Variants in TCFL5 observed in about 807,000 individuals in gnomAD.
TCFL5 encodes transcription factor like 5.
A neutral mutation model predicts 44.3 loss-of-function variants in TCFL5; 9 were observed. That is an observed-to-expected ratio of 0.20 (90% confidence interval 0.12 to 0.35). TCFL5 has a LOEUF of 0.35. TCFL5 is among the 10% of genes least tolerant of loss of function. TCFL5 has a pLI of 1.00. For synonymous variants in TCFL5, 319 were observed against 271.6 expected, an observed-to-expected ratio of 1.17 and a Z score of -1.72; for missense variants, 603 against 613.4, an observed-to-expected ratio of 0.98 and a Z score of 0.18.
intron 5 of TCFL5, chr20:62,851,587 C>T (rs763459411): frequency 2.1e-5 from 21 of 985,174 alleles, no homozygotes; most frequent in South Asian, 4.7e-5. Flanking sequence ...TAACCATAAA[C>T]GATCCGATCA....
intron 5 of TCFL5, among the ~76,000 whole-genome samples, chr20:62,846,876 C>T (rs553274927): frequency 1.3e-5 from 2 of 151,368 alleles, no homozygotes; most frequent in African/African-American, 4.8e-5. Context: ...GGAAAATATA[C>T]CAGGAAGTTA....
chr20:62,857,644 C>T lies in TCFL5; in HGVS notation c.995-6G>A, dbSNP rs1388350679. The T allele has an allele frequency of 6.9e-6, 11 of 1,601,214 alleles. No homozygotes were observed. Among genetic ancestry groups the T allele is most frequent in the Admixed American group, 1.7e-5 (1 of 57,634 alleles). On this transcript the variant is annotated splice_region_variant and splice_polypyrimidine_tract_variant and intron_variant, in intron 3 of 5. Coordinates refer to ENST00000335351, the MANE Select transcript of TCFL5 (RefSeq NM_006602.4). ...TTGTTTGCATAGCGCTGCTTCTTTG[C>T]GAAAGAAGAAAAAAGTGGTTTTTAA...
intron 5 of TCFL5, chr20:62,853,013 T>TATAGTCACCCGGTCCACAGAAGC (rs1178775998): frequency 3.2e-6 from 4 of 1,268,942 alleles, no homozygotes; most frequent in Non-Finnish European, 4.1e-6. Context: ...TCCGCAGAAG[T>TATAGTCACCCGGTCCACAGAAGC]ATAGTCACCC....
At chr20:62,854,828 C>G (rs2063862948) in intron 4 of TCFL5, among the ~76,000 whole-genome samples, 2 of 152,210 alleles carry the variant, frequency 1.3e-5, no homozygotes, top group Non-Finnish European at 2.9e-5. Flanking sequence ...TACTCACCTT[C>G]ACACCCGTCT....
In TCFL5 at chr20:62,861,085, C is replaced by G; in HGVS notation, c.586G>C (p.Ala196Pro). Residue 196 changes from alanine to proline, a missense_variant, in exon 1 of 6, where the codon GCC (alanine) becomes CCC (proline). Ala to Pro is a conservative substitution (Grantham distance 27). Around this residue, in one of 4 missense-constraint regions of TCFL5, gnomAD observed 540 missense variants for 478.7 expected, o/e 1.13. Coordinates refer to ENST00000335351, the MANE Select transcript of TCFL5 (RefSeq NM_006602.4). The surrounding 1 kb of genome is among the most constrained non-coding windows in gnomAD (Gnocchi z 4.0). ...CCGCGCGGCGCGGGCGGCGGCTCGG[C>G]GGGGATGCTGTTGAAGCGGTCCTCC... ...RLEDRFNSIP[A>P]EPPPAPRGPE... 1.0e-6 allele frequency: 1 copy of G among 996,742 alleles called. No homozygotes were observed. Among genetic ancestry groups the G allele is most frequent in the Non-Finnish European group, 1.2e-6 (1 of 839,300 alleles). The allele number at this position is 996,742 out of a possible 1,614,324, so 61.7% of individuals were successfully genotyped here.
At chr20:62,856,252 C>CAAAAAAA (rs11473595) in intron 4 of TCFL5, among the ~76,000 whole-genome samples, 11 of 63,468 alleles carry the variant, frequency 1.7e-4, no homozygotes, top group Non-Finnish European at 3.0e-4. Flanking sequence ...GACTCCGTCT[C>CAAAAAAA]AAAAAAAAAA....
chr20:62,857,049 A>G (rs2063903971), intron 4 of TCFL5, among the ~76,000 whole-genome samples: 1 of 152,196 alleles, frequency 6.6e-6, no homozygotes, highest in African/African-American at 2.4e-5. Flanking sequence ...GGCTGGGGGC[A>G]TGAGGGGCAA....
At chr20:62,849,444 G>A (rs921899975) in intron 5 of TCFL5, among the ~76,000 whole-genome samples, 1 of 152,188 alleles carries the variant, frequency 6.6e-6, no homozygotes, top group Admixed American at 6.5e-5. Context: ...AAGCCTCAAT[G>A]CCATAGTTAA....
chr20:62,845,137 TG>T, intron 5 of TCFL5: 2 of 964,284 alleles, frequency 2.1e-6, no homozygotes, highest in Non-Finnish European at 1.2e-6. Context: ...TTTTTTTTTT[TG>T]GATATGGAGT....
intron 5 of TCFL5, chr20:62,845,324 T>C: frequency 1.0e-6 from 1 of 970,724 alleles, no homozygotes; most frequent in Non-Finnish European, 1.3e-6. Flanking sequence ...GGTCACACCG[T>C]ATTGGCCAGG....
In TCFL5 at chr20:62,859,485, G is replaced by C; in HGVS notation, c.873C>G (p.His291Gln). The C allele has an allele frequency of 6.2e-7, 1 of 1,613,672 alleles. No individual in the cohort carries two copies. The highest frequency in any genetic ancestry group is 1.6e-4 in the Middle Eastern group (1 of 6,062). The change falls in exon 3 of 6, where the codon CAC (histidine) becomes CAG (glutamine). Residue 291 changes from histidine (H) to glutamine (Q), a missense_variant. Transcript: ENST00000335351. Reference sequence around the variant, plus strand: ...ATGCTCTAGGCAATCCAATATCCTGGTGCTTGGCAGCTTCAAGTACAGAAC... The same window carrying C: ...ATGCTCTAGGCAATCCAATATCCTGCTGCTTGGCAGCTTCAAGTACAGAAC... ...NSCSVLEAAK[H>Q]QDIGLPRAFS... is the part of the protein sequence containing the mutation.
At chr20:62,856,302 A>G (rs1161278551) in intron 4 of TCFL5, among the ~76,000 whole-genome samples, 3 of 150,098 alleles carry the variant, frequency 2.0e-5, no homozygotes, top group African/African-American at 7.3e-5. Flanking sequence ...TTATAATAGA[A>G]AAAAATTAAC....
Position 62,861,444 on chromosome 20 carries a change from C to A in TCFL5, c.227G>T (p.Arg76Leu). ...CGCCGCCAGCAGCGCCGAGTTGAGG[C>A]GCGTCTCGAGCTCGCCGTCAGCCGC... ...EAAADGELET[R>L]LNSALLAAAG... The change falls in exon 1 of 6, where the codon CGC becomes CTC. Residue 76 changes from arginine (R) to leucine (L), a missense_variant. Transcript: ENST00000335351. The surrounding 1 kb of genome is among the most constrained non-coding windows in gnomAD (Gnocchi z 4.0). 1.7e-6 allele frequency: 2 copies of A among 1,169,638 alleles called. No homozygotes were observed. Among genetic ancestry groups the A allele is most frequent in the Non-Finnish European group, 1.1e-6 (1 of 937,934 alleles). The allele number at this position is 1,169,638 out of a possible 1,614,324, so 72.5% of individuals were successfully genotyped here.
Position 62,841,964 on chromosome 20 carries a change from G to T in TCFL5, c.*11C>A. The stretch of plus-strand genomic sequence containing the variant: ...GGCTGTTCACCCCCCGAGGATTCCT[G>T]TTCAGTCCGATCACTTGATCTCCAT... On this transcript the variant is annotated 3_prime_UTR_variant, in exon 6 of 6. Coordinates refer to ENST00000335351, the MANE Select transcript of TCFL5 (RefSeq NM_006602.4). 2 of 1,613,866 alleles carry T rather than the reference G, an allele frequency of 1.2e-6. No homozygotes were observed. Among genetic ancestry groups the T allele is most frequent in the Non-Finnish European group, 1.7e-6 (2 of 1,179,984 alleles).
At chr20:62,854,837 CTATTTAGAACTT>C (rs1465419769) in intron 4 of TCFL5, among the ~76,000 whole-genome samples, 5 of 152,234 alleles carry the variant, frequency 3.3e-5, no homozygotes, top group African/African-American at 1.2e-4. Flanking sequence ...TCACACCCGT[CTATTTAGAACTT>C]TAATTAGAGA....
chr20:62,842,077 G>A lies in TCFL5; in HGVS notation c.1401C>T (p.Cys467=), dbSNP rs761206570. ...SLKKEFESVF[C]GKTGRRLKLT... ...GCTTTAGCCTTCGGCCAGTTTTACCGCAAAATACGCTCTCAAATTCCTGCA... is the reference window on the plus strand; with the variant it reads ...GCTTTAGCCTTCGGCCAGTTTTACCACAAAATACGCTCTCAAATTCCTGCA... The change falls in exon 6 of 6, where the codon TGC becomes TGT. Residue 467 remains cysteine, a synonymous_variant. Coordinates refer to ENST00000335351, the MANE Select transcript of TCFL5 (RefSeq NM_006602.4). The surrounding 1 kb of genome is among the most constrained non-coding windows in gnomAD (Gnocchi z 4.3). The A allele has an allele frequency of 3.0e-5, 48 of 1,613,976 alleles. No individual in the cohort carries two copies. Among genetic ancestry groups the A allele is most frequent in the Admixed American group, 2.0e-4 (12 of 59,982 alleles).
intron 5 of TCFL5, among the ~76,000 whole-genome samples, chr20:62,849,617 CTT>C (rs2063783400): frequency 6.6e-6 from 1 of 152,082 alleles, no homozygotes; most frequent in Admixed American, 6.6e-5. Context: ...AATCCCAGCA[CTT>C]TGGGAGGCCA....
chr20:62,845,831 A>T, intron 5 of TCFL5: 1 of 1,597,056 alleles, frequency 6.3e-7, no homozygotes, highest in South Asian at 1.1e-5. Context: ...TCATTATAAA[A>T]GTGATTTATG....
chr20:62,846,038 G>C, intron 5 of TCFL5: 1 of 1,352,808 alleles, frequency 7.4e-7, no homozygotes, highest in Non-Finnish European at 9.8e-7. Context: ...GGCGTGTTGT[G>C]GATTCTTTCC....
Sources: gnomAD v4.1 joint callset for allele counts (sites outside exome capture counted in the v4.1 genomes callset) on GRCh38, gnomAD v4.1.1 for gene constraint, gnomAD v4.1.1 regional missense constraint, Gnocchi (gnomAD v3.1) non-coding constraint, MANE v1.5 for transcripts, NCBI Gene and HGNC (gene_info 2026-07-23, HGNC 2026-07-21) for gene names.